The following VAV2 variants were observed in gnomAD, a reference collection of about 807,000 sequenced individuals.
The protein encoded by VAV2 is vav guanine nucleotide exchange factor 2, also known as guanine nucleotide exchange factor VAV2.
Under a neutral mutation model 132.5 loss-of-function variants are expected in VAV2, and 67 were observed. The observed-to-expected ratio is 0.51, with a 90% confidence interval of 0.42 to 0.62. The LOEUF is 0.62. VAV2 is among the 20% of genes least tolerant of loss of function. VAV2 has a pLI of 0.00. For missense variants in VAV2, 938 were observed against 1,153.6 expected (o/e 0.81, Z 2.71); for synonymous variants, 492 against 443.5 (o/e 1.11, Z -1.37).
rs1304735714 is a variant in VAV2, at chr9:133,789,284, G to A, written c.1248C>T (p.Ser416=). 2 of 1,614,136 alleles carry A rather than the reference G, an allele frequency of 1.2e-6. No individual in the cohort carries two copies. The highest frequency in any genetic ancestry group is 1.7e-6 in the Non-Finnish European group (2 of 1,180,030). ...PKIDGELKVR[S]IVNHTKQDRY... is the part of the protein sequence containing the mutation. The stretch of plus-strand genomic sequence containing the variant: ...TGTCCTGCTTGGTGTGGTTGACTAT[G>A]GACCGGACTTTCAGTTCCCCGTCAA... Residue 416 remains serine (S), a synonymous_variant, in exon 14 of 30, where the codon TCC becomes TCT. Transcript: ENST00000371850.
chr9:133,822,414 C>T (rs912884335), intron 4 of VAV2, among the ~76,000 whole-genome samples: 5 of 152,084 alleles, frequency 3.3e-5, no homozygotes, highest in Non-Finnish European at 7.4e-5. Flanking sequence ...AGAGAGAAGG[C>T]GCATCGAGCC....
intron 1 of VAV2, among the ~76,000 whole-genome samples, chr9:133,974,865 C>T (rs1032524581): frequency 1.3e-5 from 2 of 152,186 alleles, no homozygotes; most frequent in African/African-American, 4.8e-5. Flanking sequence ...TGACTGGCCC[C>T]CGAAGTCTTC....
chr9:133,895,995 G>A lies in VAV2; in HGVS notation c.322-34563C>T, dbSNP rs1440667213. Among the ~76,000 whole-genome samples, 2 of 135,236 alleles carry A rather than the reference G, an allele frequency of 1.5e-5. 1 individual carries two copies. The highest frequency in any genetic ancestry group is 3.2e-5 in the Non-Finnish European group (2 of 62,980). The allele number at this position is 135,236 out of a possible 152,430, so 88.7% of individuals were successfully genotyped here. ...TTCTCGCAGAGGGGGATTTGGCAGGGTCATAGGACAATAGTGGAGGGAAGG... is the reference window on the plus strand; with the variant it reads ...TTCTCGCAGAGGGGGATTTGGCAGGATCATAGGACAATAGTGGAGGGAAGG... On this transcript the variant is annotated intron_variant, in intron 2 of 29. Transcript: ENST00000371850.
chr9:133,808,622 G>C (rs559081546), intron 7 of VAV2, among the ~76,000 whole-genome samples: 1 of 152,316 alleles, frequency 6.6e-6, no homozygotes, highest in African/African-American at 2.4e-5. Context: ...CATGCCTTGT[G>C]CAGGACACTC....
chr9:133,992,004 C>G lies in VAV2; in HGVS notation c.204+71G>C. ...CCTGGGCCGCCGCCGCTGCGACCTC[C>G]GCGTTCAGTCCGCGCGTCGGGCAGC... is the stretch of plus-strand genomic sequence containing the variant. On this transcript the variant is annotated intron_variant, in intron 1 of 29. Transcript: ENST00000371850. This position sits in a 1 kb window ranked among gnomAD's most constrained non-coding sequence, Gnocchi z 5.5. 1 of 1,296,100 alleles carries G rather than the reference C, an allele frequency of 7.7e-7. No homozygotes were observed. 80.3% of individuals were successfully genotyped at this position (1,296,100 alleles called of 1,614,324 possible).
chr9:133,908,659 G>A (rs913207775), intron 2 of VAV2, among the ~76,000 whole-genome samples: 8 of 152,376 alleles, frequency 5.3e-5, no homozygotes, highest in South Asian at 2.1e-4. Flanking sequence ...AAGACTCAGG[G>A]AGTGGAAGGC....
chr9:133,906,135 T>A (rs1463909214), intron 2 of VAV2, among the ~76,000 whole-genome samples: 1 of 152,318 alleles, frequency 6.6e-6, no homozygotes, highest in South Asian at 2.1e-4. Context: ...GTCCCCAGTG[T>A]GGCGTGGATC....
rs1198589358 is a variant in VAV2, at chr9:133,918,295, C to A, written c.321+20808G>T. Among the ~76,000 whole-genome samples the A allele has an allele frequency of 2.0e-5, 3 of 151,748 alleles. No homozygotes were observed. In the East Asian group the frequency reaches 5.8e-4, roughly 29 times the overall value. ...CGCACTCTCTGCGGCGGCAGAAAAG[C>A]GAACCAGAGAGCAGGAAGGCGGCGC... On this transcript the variant is annotated intron_variant, in intron 2 of 29. Coordinates refer to ENST00000371850, the MANE Select transcript of VAV2 (RefSeq NM_001134398.2). This position sits in a 1 kb window ranked among gnomAD's most constrained non-coding sequence, Gnocchi z 4.7.
At chr9:133,915,660 G>A (rs528223847) in intron 2 of VAV2, among the ~76,000 whole-genome samples, 101 of 144,800 alleles carry the variant, frequency 7.0e-4, no homozygotes, top group Non-Finnish European at 1.1e-3. Flanking sequence ...TGTACACGAC[G>A]CACACATGCA....
chr9:133,875,146 C>A (rs1838212025), intron 2 of VAV2, among the ~76,000 whole-genome samples: 1 of 152,206 alleles, frequency 6.6e-6, no homozygotes, highest in African/African-American at 2.4e-5. Flanking sequence ...TGCCCCCAAG[C>A]TCTGAACTCT....
chr9:133,939,358 G>C, intron 1 of VAV2, 139 bp from the exon 2 acceptor site: 2 of 804,588 alleles, frequency 2.5e-6, no homozygotes, highest in East Asian at 4.9e-5. Context: ...TCTCAAGGAG[G>C]AAATGGGCTC....
At chr9:133,887,178 G>A (rs940446429) in intron 2 of VAV2, among the ~76,000 whole-genome samples, 3 of 152,188 alleles carry the variant, frequency 2.0e-5, no homozygotes, top group Non-Finnish European at 4.4e-5. Flanking sequence ...CATTCAGCAG[G>A]AAGGGACCTC....
chr9:133,772,201 C>T (rs948291085), intron 25 of VAV2, among the ~76,000 whole-genome samples, 155 bp from the exon 26 acceptor site: 2 of 139,522 alleles, frequency 1.4e-5, no homozygotes, highest in African/African-American at 5.2e-5. Flanking sequence ...CCCAGCCCTT[C>T]GGGCCACCAG....
chr9:133,859,334 C>T (rs754299868), intron 3 of VAV2, among the ~76,000 whole-genome samples: 19 of 152,220 alleles, frequency 1.2e-4, no homozygotes, highest in African/African-American at 2.9e-4. Flanking sequence ...GAGCCTGACA[C>T]GGGCACAGCT....
intron 3 of VAV2, among the ~76,000 whole-genome samples, chr9:133,839,395 A>G (rs530779327): frequency 1.2e-4 from 18 of 151,806 alleles, no homozygotes; most frequent in Non-Finnish European, 2.2e-4. Context: ...GGTGTCAGAT[A>G]TTCTCAGGCT....
intron 3 of VAV2, among the ~76,000 whole-genome samples, chr9:133,839,000 GTAGA>G (rs1476941056): frequency 1.4e-5 from 2 of 146,816 alleles, no homozygotes; most frequent in African/African-American, 2.5e-5. Context: ...GGATGGGTGG[GTAGA>G]TGGATGGATG....
intron 2 of VAV2, among the ~76,000 whole-genome samples, chr9:133,903,293 G>A (rs1364895519): frequency 6.6e-6 from 1 of 152,010 alleles, no homozygotes; most frequent in Non-Finnish European, 1.5e-5. Flanking sequence ...GTTTCACAGG[G>A]CTCCTTCCCT....
intron 2 of VAV2, among the ~76,000 whole-genome samples, chr9:133,896,796 C>CAA (rs34984224): frequency 4.3e-4 from 65 of 151,490 alleles, no homozygotes; most frequent in Non-Finnish European, 6.5e-4. Flanking sequence ...TAAGAAACTT[C>CAA]AAAAAAAAAT....
At position 133,928,698 on chromosome 9, in the gene VAV2, T is replaced by A. The variant is rs1840569802; in HGVS notation, c.321+10405A>T. Among the ~76,000 whole-genome samples, 1 of 152,048 alleles carries A rather than the reference T, an allele frequency of 6.6e-6. No homozygotes were observed. Among genetic ancestry groups the A allele is most frequent in the Non-Finnish European group, 1.5e-5 (1 of 67,992 alleles). On this transcript the variant is annotated intron_variant, in intron 2 of 29. Transcript: ENST00000371850. The surrounding 1 kb of genome is among the most constrained non-coding windows in gnomAD (Gnocchi z 5.4). Reference sequence around the variant, plus strand: ...GGGGTGCTGGATCAATACCCCAAGGTTACTGCTGTGTTCTCCCCTGGCCAG... The same window carrying A: ...GGGGTGCTGGATCAATACCCCAAGGATACTGCTGTGTTCTCCCCTGGCCAG...
Sources: allele counts gnomAD v4.1 joint callset (sites outside exome capture counted in the v4.1 genomes callset), GRCh38; gene constraint gnomAD v4.1.1; non-coding constraint Gnocchi (gnomAD v3.1); transcripts MANE v1.5; gene names NCBI Gene and HGNC (gene_info 2026-07-23, HGNC 2026-07-21).